COLGALT1: variants seen among roughly 807,000 people sequenced by gnomAD.
The protein encoded by COLGALT1 is collagen beta(1-O)galactosyltransferase 1, also known as procollagen galactosyltransferase 1.
Under a neutral mutation model 60.8 loss-of-function variants are expected in COLGALT1, and 43 were observed. The observed-to-expected ratio is 0.71, with a 90% CI of 0.55 to 0.91. The LOEUF (loss-of-function observed/expected upper bound fraction) is 0.91. Among genes scored for constraint, COLGALT1 ranks in the 40% least tolerant of loss-of-function variants. The pLI is 0.00. For synonymous variants in COLGALT1, 369 were observed against 374.2 expected (o/e 0.99, Z 0.16); for missense variants, 845 against 880.0 (o/e 0.96, Z 0.50).
Position 17,581,300 on chromosome 19 carries a change from C to A in COLGALT1, c.1725C>A (p.Val575=), listed in dbSNP as rs770344061. The part of the protein sequence containing the change: ...DGYVSDTETS[V]VWNNEHVKTD... ...ATGTGAGTGACACCGAGACCTCAGTCGTATGGAACAATGAGCACGTCAAGA... is the reference window on the plus strand; with the variant it reads ...ATGTGAGTGACACCGAGACCTCAGTAGTATGGAACAATGAGCACGTCAAGA... Residue 575 remains valine, a synonymous_variant, in exon 12 of 12, where the codon GTC becomes GTA. Transcript: ENST00000252599. 1 of 1,613,226 alleles carries A rather than the reference C, an allele frequency of 6.2e-7. No individual in the cohort carries two copies. The highest frequency in any genetic ancestry group is 8.5e-7 in the Non-Finnish European group (1 of 1,180,004).
At chr19:17,577,750 TCAGAC>T (rs1382370701) in intron 8 of COLGALT1, among the ~76,000 whole-genome samples, 1 of 151,834 alleles carries the variant, frequency 6.6e-6, no homozygotes, top group Non-Finnish European at 1.5e-5. Flanking sequence ...GGTAAGTCAG[TCAGAC>T]CCCAGGAGAG....
chr19:17,576,450 C>T (rs80319204), intron 6 of COLGALT1, among the ~76,000 whole-genome samples: 9,349 of 147,618 alleles, frequency 0.063, 525 homozygotes, highest in Admixed American at 0.19. Context: ...TTTGGGTTGG[C>T]AGGGGCATAG....
chr19:17,563,565 G>A (rs996984839), intron 3 of COLGALT1, among the ~76,000 whole-genome samples: 4 of 152,110 alleles, frequency 2.6e-5, no homozygotes, highest in Admixed American at 1.3e-4. Flanking sequence ...TGGCCAGCAT[G>A]GTCTCGATCT....
chr19:17,574,227 G>A (rs2076328186), intron 6 of COLGALT1, among the ~76,000 whole-genome samples: 1 of 152,158 alleles, frequency 6.6e-6, no homozygotes, highest in African/African-American at 2.4e-5. Flanking sequence ...CCTCTGTCCC[G>A]GGGCTCAGTT....
intron 6 of COLGALT1, among the ~76,000 whole-genome samples, chr19:17,575,307 C>G (rs1258641642): frequency 6.6e-6 from 1 of 150,738 alleles, no homozygotes; most frequent in Non-Finnish European, 1.5e-5. Context: ...GTGCAGTGGC[C>G]CGATCTCGGC....
chr19:17,580,967 G>C, intron 11 of COLGALT1, 62 bp downstream of exon 11: 1 of 1,581,626 alleles, frequency 6.3e-7, no homozygotes, highest in Admixed American at 1.7e-5. Context: ...GGGAGAATGG[G>C]GATGTGAGAC....
In COLGALT1 at chr19:17,581,234, G is replaced by C. The variant is rs142585342; in HGVS notation, c.1659G>C (p.Pro553=). Residue 553 remains proline, a synonymous_variant, in exon 12 of 12, where the codon CCG becomes CCC. Transcript: ENST00000252599. ...LRNLHAFSVE[P]LLIYPTHYTG... is the part of the protein sequence containing the mutation. Reference sequence around the variant, plus strand: ...ACCTGCATGCCTTCTCTGTGGAGCCGCTGCTCATCTACCCCACACACTACA... The same window carrying C: ...ACCTGCATGCCTTCTCTGTGGAGCCCCTGCTCATCTACCCCACACACTACA... The C allele has an allele frequency of 1.2e-5, 19 of 1,609,508 alleles. No homozygotes were observed. The highest frequency in any genetic ancestry group is 1.4e-5 in the Non-Finnish European group (16 of 1,179,650).
intron 6 of COLGALT1, among the ~76,000 whole-genome samples, chr19:17,574,492 G>A (rs973663377): frequency 2.6e-5 from 4 of 152,014 alleles, no homozygotes; most frequent in African/African-American, 9.7e-5. Context: ...CACCACACCT[G>A]GCAAATTTTG....
chr19:17,563,953 T>A (rs1367032054), intron 3 of COLGALT1, among the ~76,000 whole-genome samples: 1 of 151,954 alleles, frequency 6.6e-6, no homozygotes, highest in Non-Finnish European at 1.5e-5. Context: ...AATAAAAATA[T>A]ACGAGCTGGG....
rs753813095 is a variant in COLGALT1 at position 17,577,940 on chromosome 19, C to T, written c.1134-17C>T. 1.3e-6 allele frequency: 2 copies of T among 1,591,618 alleles called. No individual in the cohort carries two copies. The highest frequency in any genetic ancestry group is 1.7e-6 in the Non-Finnish European group (2 of 1,167,092). ...CAGGGTGAACCTTCTTCGTGACCCTCTCCTCCTCCTCTCCAGAGCCATGAA... is the reference window on the plus strand; with the variant it reads ...CAGGGTGAACCTTCTTCGTGACCCTTTCCTCCTCCTCTCCAGAGCCATGAA... On this transcript the variant is annotated splice_polypyrimidine_tract_variant and intron_variant, in intron 8 of 11. Transcript: ENST00000252599.
At chr19:17,565,121 T>C (rs1401926556) in intron 3 of COLGALT1, among the ~76,000 whole-genome samples, 1 of 151,792 alleles carries the variant, frequency 6.6e-6, no homozygotes, top group Non-Finnish European at 1.5e-5. Context: ...CATCCGTTGA[T>C]GGACACACTT....
rs769992531 is a variant in COLGALT1 at position 17,560,336 on chromosome 19, G to T, written c.372-12G>T. On this transcript the variant is annotated splice_polypyrimidine_tract_variant and intron_variant, in intron 2 of 11. Transcript: ENST00000252599. The stretch of plus-strand genomic sequence containing the variant: ...GCCTTGTGATGTCCACATCACAGCT[G>T]CCTCCCCATAGGTCCTACCCGGACG... 2 of 1,610,090 alleles carry T rather than the reference G, an allele frequency of 1.2e-6. No homozygotes were observed. The highest frequency in any genetic ancestry group is 1.7e-6 in the Non-Finnish European group (2 of 1,177,050).
At chr19:17,556,107 C>T in intron 1 of COLGALT1, 134 bp downstream of exon 1, 4 of 1,046,676 alleles carry the variant, frequency 3.8e-6, no homozygotes, top group Non-Finnish European at 3.7e-6. Flanking sequence ...CTGCTCGCTA[C>T]CCCCATCGGG....
At chr19:17,575,615 A>G (rs529339501) in intron 6 of COLGALT1, among the ~76,000 whole-genome samples, 1 of 150,982 alleles carries the variant, frequency 6.6e-6, no homozygotes, top group East Asian at 2.0e-4. Flanking sequence ...TCCTGACCTC[A>G]TGATCTGCCC....
intron 3 of COLGALT1, among the ~76,000 whole-genome samples, chr19:17,566,894 A>G (rs2076282400): frequency 6.6e-6 from 1 of 152,148 alleles, no homozygotes; most frequent in African/African-American, 2.4e-5. Context: ...TGGACGAATC[A>G]CATGAGGTCA....
At chr19:17,567,571 T>C in intron 4 of COLGALT1, 31 bp downstream of exon 4, 1 of 1,604,242 alleles carries the variant, frequency 6.2e-7, no homozygotes, top group Non-Finnish European at 8.5e-7. Context: ...CTGTGGGGAC[T>C]GGGCTGAGCA....
chr19:17,566,301 T>A (rs920850293), intron 3 of COLGALT1: 1 of 151,718 alleles, frequency 6.6e-6, no homozygotes, highest in African/African-American at 2.4e-5. Flanking sequence ...AGGTGGAGGT[T>A]GCAGTGAGCC....
intron 6 of COLGALT1, among the ~76,000 whole-genome samples, chr19:17,575,750 G>T (rs1011573190): frequency 8.6e-5 from 13 of 151,868 alleles, no homozygotes; most frequent in African/African-American, 3.1e-4. Context: ...ATCATAGCTC[G>T]CTGCAGCCTT....
chr19:17,581,448 G>T lies in COLGALT1; in HGVS notation c.*4G>T. 1.9e-6 allele frequency: 3 copies of T among 1,602,510 alleles called. No individual in the cohort carries two copies. The highest frequency in any genetic ancestry group is 2.5e-6 in the Non-Finnish European group (3 of 1,176,980). On this transcript the variant is annotated 3_prime_UTR_variant, in exon 12 of 12. Coordinates refer to ENST00000252599, the MANE Select transcript of COLGALT1 (RefSeq NM_024656.4). ...TGCTGCCCGGGATGAACTCTGAGGG[G>T]TAGCAGCCAGAAAGCCAAAGCAGCC...
Sources: allele counts gnomAD v4.1 joint callset (sites outside exome capture counted in the v4.1 genomes callset), GRCh38; gene constraint gnomAD v4.1.1; transcripts MANE v1.5; gene names NCBI Gene and HGNC (gene_info 2026-07-23, HGNC 2026-07-21).